Variants in PLAA observed in about 807,000 individuals in gnomAD.
PLAA encodes the protein phospholipase A-2-activating protein.
In PLAA, 48 loss-of-function variants were observed where a neutral mutation model predicts 84.1. The ratio of observed to expected loss-of-function variants is 0.57; its 90% CI spans 0.45 to 0.73. PLAA has a LOEUF of 0.73. Ranked by LOEUF, PLAA falls within the 30% of genes least tolerant of loss-of-function variation. The pLI is 0.00. For synonymous variants in PLAA, 392 were observed against 336.6 expected, an observed-to-expected ratio of 1.16 and a Z score of -1.80; for missense variants, 903 against 954.7, an observed-to-expected ratio of 0.95 and a Z score of 0.71.
intron 10 of PLAA, chr9:26,915,915 G>C: frequency 1.0e-6 from 1 of 985,342 alleles, no homozygotes; most frequent in Non-Finnish European, 1.2e-6. Context: ...CACTGTTTCT[G>C]AACTGCTGAT....
chr9:26,930,106 ATTTT>A (rs746808419), intron 2 of PLAA, among the ~76,000 whole-genome samples: 1 of 140,152 alleles, frequency 7.1e-6, no homozygotes, highest in African/African-American at 2.6e-5. Flanking sequence ...TATTATTATT[ATTTT>A]TTTTTTTTTT....
At chr9:26,929,420 G>C (rs1825096129) in intron 2 of PLAA, among the ~76,000 whole-genome samples, 1 of 152,150 alleles carries the variant, frequency 6.6e-6, no homozygotes, top group Admixed American at 6.5e-5. Context: ...GCTGCAGTGA[G>C]CTGTGAGAGC....
At chr9:26,917,810 C>CA (rs1278120294) in intron 9 of PLAA, among the ~76,000 whole-genome samples, 1 of 151,740 alleles carries the variant, frequency 6.6e-6, no homozygotes, top group Non-Finnish European at 1.5e-5. Context: ...ACAAAAAAAA[C>CA]AAAAAACAAA....
chr9:26,928,104 A>G lies in PLAA; in HGVS notation c.561T>C (p.Phe187=). ...LWKAGRCERT[F]SGHEDCVRGL... The stretch of plus-strand genomic sequence containing the variant: ...ACTTGTCTACCCTGATCTTACCTGA[A>G]AAAGTCCTCTCACATCTTCCAGCCT... Residue 187 remains phenylalanine, a synonymous_variant, in exon 4 of 14, where the codon TTT becomes TTC. Coordinates refer to ENST00000397292, the MANE Select transcript of PLAA (RefSeq NM_001031689.3). The G allele has an allele frequency of 6.2e-7, 1 of 1,612,928 alleles. No individual in the cohort carries two copies. The highest frequency in any genetic ancestry group is 8.5e-7 in the Non-Finnish European group (1 of 1,179,712).
At chr9:26,928,827 A>G (rs896717253) in intron 2 of PLAA, among the ~76,000 whole-genome samples, 1 of 152,232 alleles carries the variant, frequency 6.6e-6, no homozygotes, top group African/African-American at 2.4e-5. Context: ...GCCAAGCTCA[A>G]TGTCCAAAAG....
intron 7 of PLAA, among the ~76,000 whole-genome samples, chr9:26,921,368 G>A (rs1010432345): frequency 6.6e-6 from 1 of 152,170 alleles, no homozygotes; most frequent in Non-Finnish European, 1.5e-5. Context: ...TAGTCCCCTT[G>A]CATTGGGCAG....
chr9:26,906,395 A>G (rs1361316009), intron 13 of PLAA, among the ~76,000 whole-genome samples: 1 of 151,270 alleles, frequency 6.6e-6, no homozygotes, highest in Non-Finnish European at 1.5e-5. Flanking sequence ...AAAATTCTGT[A>G]AGACCGAACA....
intron 1 of PLAA, among the ~76,000 whole-genome samples, chr9:26,946,319 T>C (rs1348989200): frequency 1.3e-5 from 2 of 151,552 alleles, no homozygotes; most frequent in Non-Finnish European, 1.5e-5. Context: ...TTGAAGGCAA[T>C]GGATGCTGCT....
At chr9:26,918,482 G>A (rs1245689613) in intron 9 of PLAA, among the ~76,000 whole-genome samples, 5 of 151,862 alleles carry the variant, frequency 3.3e-5, no homozygotes, top group African/African-American at 1.2e-4. Context: ...TTTATGAATG[G>A]GCAATGAAAT....
At chr9:26,921,263 C>T (rs1041585745) in intron 7 of PLAA, among the ~76,000 whole-genome samples, 11 of 152,190 alleles carry the variant, frequency 7.2e-5, no homozygotes, top group African/African-American at 2.4e-4. Context: ...CTCAACAAGG[C>T]CTTCAGTGGC....
chr9:26,915,692 G>T, intron 10 of PLAA: 1 of 983,958 alleles, frequency 1.0e-6, no homozygotes, highest in Non-Finnish European at 1.2e-6. Flanking sequence ...AATTCTCTTG[G>T]ACATTGTGTA....
intron 11 of PLAA, among the ~76,000 whole-genome samples, chr9:26,911,658 T>C (rs1385283863): frequency 6.6e-6 from 1 of 152,222 alleles, no homozygotes; most frequent in Non-Finnish European, 1.5e-5. Flanking sequence ...CAGTATCTGA[T>C]CATGAACAAA....
intron 13 of PLAA, among the ~76,000 whole-genome samples, chr9:26,907,004 T>G (rs1200540090): frequency 8.3e-6 from 1 of 120,568 alleles, no homozygotes; most frequent in East Asian, 2.3e-4. Context: ...GAGGAACACA[T>G]CAGCAAAATC....
Position 26,947,146 on chromosome 9 carries a change from G to C in PLAA, c.-101C>G, listed in dbSNP as rs1825760748. The C allele has an allele frequency of 5.3e-6, 7 of 1,330,930 alleles. No homozygotes were observed. Among genetic ancestry groups the C allele is most frequent in the South Asian group, 1.6e-5 (1 of 61,870 alleles). The allele number at this position is 1,330,930 out of a possible 1,614,324, so 82.4% of individuals were successfully genotyped here. The stretch of plus-strand genomic sequence containing the variant: ...GGCCGCGGCGGGAGAAGAGCCTGCA[G>C]GTAAGGGGCGGCCGGAGACCGGAAG... On this transcript the variant is annotated 5_prime_UTR_variant, in exon 1 of 14. Coordinates refer to ENST00000397292, the MANE Select transcript of PLAA (RefSeq NM_001031689.3).
Position 26,928,048 on chromosome 9 carries a change from C to A in PLAA, c.565+52G>T, listed in dbSNP as rs1451628855. The stretch of plus-strand genomic sequence containing the variant: ...CTTGTAAACTTCTGAGAAAAAAAAT[C>A]TGAGCAAATAAAAAGCAATGATATT... On this transcript the variant is annotated intron_variant, in intron 4 of 13. Transcript: ENST00000397292. 8.4e-6 allele frequency: 13 copies of A among 1,544,904 alleles called. No homozygotes were observed. The East Asian group carries it at 2.9e-4, about 35-fold the overall frequency.
chr9:26,915,636 C>T, intron 10 of PLAA: 1 of 896,204 alleles, frequency 1.1e-6, no homozygotes, highest in Non-Finnish European at 1.3e-6. Flanking sequence ...ATGGTAGATG[C>T]TGTTATATAT....
At chr9:26,937,790 T>G (rs550880799) in intron 1 of PLAA, among the ~76,000 whole-genome samples, 18 of 151,736 alleles carry the variant, frequency 1.2e-4, no homozygotes, top group African/African-American at 4.4e-4. Flanking sequence ...TGAAGACAGA[T>G]TCAAGCAAGA....
intron 11 of PLAA, among the ~76,000 whole-genome samples, chr9:26,911,856 T>C (rs943628286): frequency 6.6e-6 from 1 of 152,088 alleles, no homozygotes. Flanking sequence ...TCTGATTACA[T>C]TAGGAATAGA....
chr9:26,935,635 G>C (rs892312608), intron 1 of PLAA, among the ~76,000 whole-genome samples: 1 of 151,866 alleles, frequency 6.6e-6, no homozygotes, highest in African/African-American at 2.4e-5. Flanking sequence ...ACATTATGAA[G>C]CATTGACTTA....
Sources: allele counts gnomAD v4.1 joint callset (sites outside exome capture counted in the v4.1 genomes callset), GRCh38; gene constraint gnomAD v4.1.1; transcripts MANE v1.5; gene names NCBI Gene and HGNC (gene_info 2026-07-23, HGNC 2026-07-21).